Variants in MTA1 observed in about 807,000 individuals in gnomAD.
MTA1 encodes the protein metastasis-associated protein MTA1.
MTA1 carries 15 observed loss-of-function variants against 97.0 expected under a neutral mutation model. The ratio of observed to expected loss-of-function variants is 0.15; its 90% confidence interval spans 0.10 to 0.24. The LOEUF (loss-of-function observed/expected upper bound fraction) is 0.24. Among genes scored for constraint, MTA1 ranks in the 10% least tolerant of loss-of-function variants. The pLI is 1.00. For missense variants in MTA1, 709 were observed against 1,015.1 expected, an observed-to-expected ratio of 0.70 and a Z score of 4.10; for synonymous variants, 435 against 417.5, an observed-to-expected ratio of 1.04 and a Z score of -0.51.
In MTA1 at chr14:105,470,195, C is replaced by A. The variant is rs1555434214; in HGVS notation, c.2128C>A (p.Pro710Thr). The change falls in exon 21 of 21, where the codon CCC becomes ACC. Residue 710 changes from proline (P) to threonine (T), a missense_variant. Pro to Thr is a conservative substitution (Grantham distance 38). Coordinates refer to ENST00000331320, the MANE Select transcript of MTA1 (RefSeq NM_004689.4). The part of the protein sequence containing the change: ...PPPPAPVNDE[P>T]IVIED ...GCCACCTGCGCCCGTCAACGACGAGCCCATCGTCATCGAGGACTAGGGGCC... is the reference window on the plus strand; with the variant it reads ...GCCACCTGCGCCCGTCAACGACGAGACCATCGTCATCGAGGACTAGGGGCC... The A allele has an allele frequency of 6.2e-7, 1 of 1,603,716 alleles. No individual in the cohort carries two copies. The highest frequency in any genetic ancestry group is 8.5e-7 in the Non-Finnish European group (1 of 1,176,388).
At chr14:105,461,590 G>A (rs1042161303) in intron 10 of MTA1, among the ~76,000 whole-genome samples, 12 of 152,234 alleles carry the variant, frequency 7.9e-5, no homozygotes, top group African/African-American at 2.7e-4. Context: ...CAAAGGGGCC[G>A]GGACACAGCG....
rs116450120 is a variant in MTA1 at position 105,435,213 on chromosome 14, G to A, written c.29-3459G>A. Among the ~76,000 whole-genome samples the A allele has an allele frequency of 2.3e-3, 343 of 152,280 alleles. 2 individuals carry two copies. The highest frequency in any genetic ancestry group is 7.5e-3 in the African/African-American group (313 of 41,554). On this transcript the variant is annotated intron_variant, in intron 1 of 20. Coordinates refer to ENST00000331320, the MANE Select transcript of MTA1 (RefSeq NM_004689.4). ...TTTCAGATTATATTCTTGCATCTAC[G>A]GAGATGGTCATAGGGCTTTTCTTAC...
chr14:105,447,119 G>A (rs2082742226), intron 3 of MTA1, among the ~76,000 whole-genome samples: 1 of 152,252 alleles, frequency 6.6e-6, no homozygotes, highest in Admixed American at 6.5e-5. Context: ...GCGGTTCTTA[G>A]TGTTGGAGGC....
rs182988899 is a variant in MTA1 at position 105,441,654 on chromosome 14, C to T, written c.96+2915C>T. On this transcript the variant is annotated intron_variant, in intron 2 of 20. Transcript: ENST00000331320. ...CTAAAAATACAAAAAATTAGCCGGG[C>T]GTGGTGGCGGGCGCCTGTGATCCCA... Among the ~76,000 whole-genome samples the T allele has an allele frequency of 3.8e-3, 571 of 152,198 alleles. 7 individuals are homozygous for T. The highest frequency in any genetic ancestry group is 0.017 in the East Asian group (87 of 5,184).
chr14:105,463,226 A>G lies in MTA1; in HGVS notation c.985A>G (p.Met329Val). The stretch of plus-strand genomic sequence containing the variant: ...GACCAGCATCATTGAGTACTACTAC[A>G]TGTGGAAGACCACCGACAGATACGT... ...SLTSIIEYYYMWKTTDRYVQQ... is the reference protein window; with the variant it reads ...SLTSIIEYYYVWKTTDRYVQQ... Residue 329 changes from methionine to valine, a missense_variant, in exon 11 of 21, where the codon ATG (methionine) becomes GTG (valine). Transcript: ENST00000331320. This position sits in a 1 kb window ranked among gnomAD's most constrained non-coding sequence, Gnocchi z 5.9. 1 of 1,610,956 alleles carries G rather than the reference A, an allele frequency of 6.2e-7. No individual in the cohort carries two copies.
At position 105,456,210 on chromosome 14, in the gene MTA1, C is replaced by T. The variant is rs182660792; in HGVS notation, c.550+1900C>T. Among the ~76,000 whole-genome samples, 578 of 152,380 alleles carry T rather than the reference C, an allele frequency of 3.8e-3. 8 individuals carry two copies. Among genetic ancestry groups the T allele is most frequent in the African/African-American group, 0.013 (546 of 41,590 alleles). ...CCGCACCCAGGTGGAAAGGCAGAGT[C>T]CGTGGCTGGGAGACAGGTGAGAACA... On this transcript the variant is annotated intron_variant, in intron 7 of 20. Transcript: ENST00000331320.
At chr14:105,449,440 C>A in intron 4 of MTA1, 31 bp downstream of exon 4, 1 of 1,606,324 alleles carries the variant, frequency 6.2e-7, no homozygotes, top group Non-Finnish European at 8.5e-7. Flanking sequence ...GGAGGGCGTC[C>A]TCCTGTCTGT....
chr14:105,449,382 G>A lies in MTA1; in HGVS notation c.214G>A (p.Gly72Arg). 5 of 1,612,400 alleles carry A rather than the reference G, an allele frequency of 3.1e-6. No individual in the cohort carries two copies. The highest frequency in any genetic ancestry group is 4.2e-6 in the Non-Finnish European group (5 of 1,179,336). ...AGCCCTGTCAGTCTGCTATAAGGCC[G>A]GACCGGGGGCGGACAACGGCGAGGA... ...HATLSVCYKA[G>R]PGADNGEEGE... Residue 72 changes from glycine (G) to arginine (R), a missense_variant, in exon 4 of 21, where the codon GGA becomes AGA. By Grantham distance (125) the Gly-to-Arg change is moderately radical. Coordinates refer to ENST00000331320, the MANE Select transcript of MTA1 (RefSeq NM_004689.4).
intron 4 of MTA1, among the ~76,000 whole-genome samples, 173 bp from the exon 5 acceptor site, chr14:105,449,885 A>G (rs2082855548): frequency 6.6e-6 from 1 of 151,958 alleles, no homozygotes; most frequent in African/African-American, 2.4e-5. Flanking sequence ...CCTGCCAAGG[A>G]GCCGCCGGGC....
At position 105,463,399 on chromosome 14, in the gene MTA1, T is replaced by G; in HGVS notation, c.1018-94T>G. 2.6e-6 allele frequency: 4 copies of G among 1,514,418 alleles called. No homozygotes were observed. In the South Asian group the frequency reaches 3.4e-5, roughly 13 times the overall value. The allele number at this position is 1,514,418 out of a possible 1,614,324, so 93.8% of individuals were successfully genotyped here. A position where few individuals can be genotyped will look rare whatever the true frequency, so the allele number is the denominator to read the frequency against. ...GTCCCTGGCCCGGCTGTCCTCTCCGTGGTGCTCTCCTCTCCGTAGCCTCCA... is the reference window on the plus strand; with the variant it reads ...GTCCCTGGCCCGGCTGTCCTCTCCGGGGTGCTCTCCTCTCCGTAGCCTCCA... On this transcript the variant is annotated intron_variant, in intron 11 of 20. Transcript: ENST00000331320. This position sits in a 1 kb window ranked among gnomAD's most constrained non-coding sequence, Gnocchi z 5.9.
At chr14:105,461,693 CA>C (rs2083353613) in intron 10 of MTA1, among the ~76,000 whole-genome samples, 1 of 152,200 alleles carries the variant, frequency 6.6e-6, no homozygotes, top group Non-Finnish European at 1.5e-5. Context: ...TCGGAAGAAA[CA>C]AACATGGGGT....
In MTA1 at chr14:105,463,318, C is replaced by T; in HGVS notation, c.1017+60C>T. On this transcript the variant is annotated intron_variant, in intron 11 of 20. Coordinates refer to ENST00000331320, the MANE Select transcript of MTA1 (RefSeq NM_004689.4). The surrounding 1 kb of genome is among the most constrained non-coding windows in gnomAD (Gnocchi z 5.9). Reference sequence around the variant, plus strand: ...CCGCCTCCCCGTCCTGCGCCCCATCCTCTCCCAGCAGGTGGGCGTGCACTG... The same window carrying T: ...CCGCCTCCCCGTCCTGCGCCCCATCTTCTCCCAGCAGGTGGGCGTGCACTG... The T allele has an allele frequency of 6.3e-7, 1 of 1,585,966 alleles. No homozygotes were observed. The highest frequency in any genetic ancestry group is 8.6e-7 in the Non-Finnish European group (1 of 1,157,636).
chr14:105,460,180 T>G (rs2083296134), intron 8 of MTA1, among the ~76,000 whole-genome samples, 178 bp from the exon 9 acceptor site: 1 of 139,966 alleles, frequency 7.1e-6, no homozygotes, highest in Non-Finnish European at 1.6e-5. Flanking sequence ...TGGGGAGTGG[T>G]GTGCCTGGGG....
intron 1 of MTA1, among the ~76,000 whole-genome samples, chr14:105,437,607 T>C (rs1156242719): frequency 6.6e-6 from 1 of 152,206 alleles, no homozygotes. Flanking sequence ...GCGGCACGGG[T>C]TTGGCCTCCG....
chr14:105,469,759 C>G lies in MTA1; in HGVS notation c.1846-82C>G. ...GGGGTGGTGGGGGGTTGGCCAGGCACAGCACCTCCCAGCGGGAGCCCTGCA... is the reference window on the plus strand; with the variant it reads ...GGGGTGGTGGGGGGTTGGCCAGGCAGAGCACCTCCCAGCGGGAGCCCTGCA... On this transcript the variant is annotated intron_variant, in intron 19 of 20. Coordinates refer to ENST00000331320, the MANE Select transcript of MTA1 (RefSeq NM_004689.4). 2.2e-6 allele frequency: 3 copies of G among 1,392,584 alleles called. No individual in the cohort carries two copies. The South Asian group carries it at 3.9e-5, about 18-fold the overall frequency. The allele number at this position is 1,392,584 out of a possible 1,614,324, so 86.3% of individuals were successfully genotyped here.
chr14:105,445,339 C>T (rs371305009), intron 2 of MTA1, 79 bp from the exon 3 acceptor site: 27 of 1,354,448 alleles, frequency 2.0e-5, no homozygotes, highest in Admixed American at 5.4e-5. Flanking sequence ...CGGCAGGGTC[C>T]GGCCTTGGAG....
chr14:105,445,481 ACCCTCATCG>A lies in MTA1; in HGVS notation c.165_173del (p.Ile56_Leu58del). ...CTACCGGAGGCGGGACATCTCCAGC[ACCCTCATCG>A]CCCTGGCCGACAAGCACGCAAGTGA... On this transcript the variant is annotated inframe_deletion, in exon 3 of 21. Transcript: ENST00000331320. 1 of 1,613,390 alleles carries A rather than the reference ACCCTCATCG, an allele frequency of 6.2e-7. No homozygotes were observed.
intron 6 of MTA1, among the ~76,000 whole-genome samples, chr14:105,450,969 C>T (rs57251496): frequency 3.5e-4 from 53 of 152,284 alleles, no homozygotes; most frequent in African/African-American, 1.1e-3. Flanking sequence ...TGTGTTGGTT[C>T]CCTGGAGTGC....
At chr14:105,447,227 C>T (rs1484067513) in intron 3 of MTA1, among the ~76,000 whole-genome samples, 14 of 152,126 alleles carry the variant, frequency 9.2e-5, no homozygotes, top group African/African-American at 1.9e-4. Flanking sequence ...CGGGCTGGCC[C>T]GCTGGAGAAG....
Sources: gnomAD v4.1 joint callset for allele counts (sites outside exome capture counted in the v4.1 genomes callset) on GRCh38, gnomAD v4.1.1 for gene constraint, Gnocchi (gnomAD v3.1) non-coding constraint, MANE v1.5 for transcripts, NCBI Gene and HGNC (gene_info 2026-07-23, HGNC 2026-07-21) for gene names.